MEP1B: variants seen among roughly 807,000 people sequenced by gnomAD.
The protein encoded by MEP1B is N-benzoyl-L-tyrosyl-P-amino-benzoic acid hydrolase subunit beta.
A neutral mutation model predicts 84.6 loss-of-function variants in MEP1B; 80 were observed. The observed-to-expected ratio is 0.95, with a 90% CI of 0.79 to 1.14. The LOEUF is 1.14. MEP1B is among the 50% of genes most tolerant of loss of function. MEP1B has a pLI of 0.00. For synonymous variants in MEP1B, 273 were observed against 288.1 expected (o/e 0.95, Z 0.53); for missense variants, 766 against 855.1 (o/e 0.90, Z 1.30).
chr18:32,204,920 G>T (rs984033689), intron 7 of MEP1B, among the ~76,000 whole-genome samples: 1 of 152,122 alleles, frequency 6.6e-6, no homozygotes, highest in African/African-American at 2.4e-5. Flanking sequence ...GCAGCAATGG[G>T]ATTAATCCAT....
rs569446655 is a variant in MEP1B, at chr18:32,195,150, C to T, written c.172-257C>T. Among the ~76,000 whole-genome samples, 227 of 152,210 alleles carry T rather than the reference C, an allele frequency of 1.5e-3. 2 individuals are homozygous for T. The highest frequency in any genetic ancestry group is 5.0e-3 in the African/African-American group (208 of 41,536). On this transcript the variant is annotated intron_variant, in intron 4 of 14. Transcript: ENST00000269202. ...TATAAATCTACCAATATTTGTAGTT[C>T]AGTTTTCCAACAGTTATTTTTTGCA...
intron 14 of MEP1B, among the ~76,000 whole-genome samples, chr18:32,218,954 C>G (rs372844137): frequency 1.3e-5 from 2 of 152,204 alleles, no homozygotes; most frequent in Non-Finnish European, 1.5e-5. Context: ...GATTCATATT[C>G]CTCTCAAAGA....
At chr18:32,216,044 T>C (rs1440304375) in intron 12 of MEP1B, among the ~76,000 whole-genome samples, 1 of 149,910 alleles carries the variant, frequency 6.7e-6, no homozygotes, top group Non-Finnish European at 1.5e-5. Context: ...CATTAATCTC[T>C]TGTTAGACTA....
intron 7 of MEP1B, among the ~76,000 whole-genome samples, chr18:32,206,430 C>CTTTTTT (rs34535020): frequency 7.5e-6 from 1 of 133,720 alleles, no homozygotes; most frequent in African/African-American, 2.7e-5. Flanking sequence ...TTCAACAACA[C>CTTTTTT]TTTTTTTTTT....
chr18:32,211,296 T>A (rs939396933), intron 10 of MEP1B, among the ~76,000 whole-genome samples: 5 of 151,596 alleles, frequency 3.3e-5, no homozygotes, highest in African/African-American at 1.2e-4. Flanking sequence ...TAAAATAAAA[T>A]AAAAATAAAA....
In MEP1B at chr18:32,196,376, G is replaced by A. The variant is rs190840064; in HGVS notation, c.250+891G>A. Reference sequence around the variant, plus strand: ...ACGGCCAGCTGGGTCAGGCACTTGAGGTACTCAGAGCTCTCCTTGGTCTTC... The same window carrying A: ...ACGGCCAGCTGGGTCAGGCACTTGAAGTACTCAGAGCTCTCCTTGGTCTTC... On this transcript the variant is annotated intron_variant, in intron 5 of 14. Coordinates refer to ENST00000269202, the MANE Select transcript of MEP1B (RefSeq NM_005925.3). The surrounding 1 kb of genome is among the most constrained non-coding windows in gnomAD (Gnocchi z 4.4). 1.4e-5 allele frequency: 10 copies of A among 700,228 alleles called. No homozygotes were observed. The highest frequency in any genetic ancestry group is 1.2e-4 in the Admixed American group (6 of 49,568). 43.4% of individuals were successfully genotyped at this position (700,228 alleles called of 1,614,324 possible). A position where few individuals can be genotyped will look rare whatever the true frequency, so the allele number is the denominator to read the frequency against.
In MEP1B at chr18:32,192,537, C is replaced by CACTT. The variant is rs141108024; in HGVS notation, c.83-107_83-106insTTAC. The CACTT allele has an allele frequency of 9.8e-3, 9,068 of 927,840 alleles. 456 individuals carry two copies. The African/African-American group carries it at 0.12, about 13-fold the overall frequency. 57.5% of individuals were successfully genotyped at this position (927,840 alleles called of 1,614,324 possible). A position where few individuals can be genotyped will look rare whatever the true frequency, so the allele number is the denominator to read the frequency against. Reference sequence around the variant, plus strand: ...GTATGTTGAGTCTGAATCTAGTAGTCACCTGAGGCCAAAAGAAACTTGCTT... The same window carrying CACTT: ...GTATGTTGAGTCTGAATCTAGTAGTCACTTACCTGAGGCCAAAAGAAACTTGCTT... On this transcript the variant is annotated intron_variant, in intron 2 of 14. Transcript: ENST00000269202.
rs143349103 is a variant in MEP1B, at chr18:32,213,417, G to A, written c.1437G>A (p.Leu479=). ...CTAATGCAGGGATATATTTCCACTTGATCTCTGGAGCCAATGATGATCAAT... is the reference window on the plus strand; with the variant it reads ...CTAATGCAGGGATATATTTCCACTTAATCTCTGGAGCCAATGATGATCAAT... ...HVTNAGIYFH[L]ISGANDDQLQ... The change falls in exon 11 of 15, where the codon TTG becomes TTA. Residue 479 remains leucine (L), a synonymous_variant. Coordinates refer to ENST00000269202, the MANE Select transcript of MEP1B (RefSeq NM_005925.3). 3.0e-4 allele frequency: 486 copies of A among 1,613,854 alleles called. No individual in the cohort carries two copies. The Middle Eastern group carries it at 3.8e-3, about 13-fold the overall frequency.
In MEP1B at chr18:32,211,919, C is replaced by T. The variant is rs572348227; in HGVS notation, c.1136-1197C>T. On this transcript the variant is annotated intron_variant, in intron 10 of 14. Transcript: ENST00000269202. ...AATGAGAAACAATCTGAAATACAGG[C>T]GATATTTTTCTTTGTGAACACCTGT... Among the ~76,000 whole-genome samples the T allele has an allele frequency of 4.0e-5, 6 of 151,744 alleles. No homozygotes were observed. The South Asian group carries it at 6.2e-4, about 16-fold the overall frequency.
At chr18:32,214,131 G>A (rs2041059089) in intron 11 of MEP1B, among the ~76,000 whole-genome samples, 1 of 152,166 alleles carries the variant, frequency 6.6e-6, no homozygotes, top group Non-Finnish European at 1.5e-5. Flanking sequence ...TTTTTGACCA[G>A]AAGGAAGGTA....
rs2040975757 is a variant in MEP1B at position 32,207,306 on chromosome 18, T to C, written c.602T>C (p.Val201Ala). ...YSDDISDSLNVPYDYTSVMHY... is the reference protein window; with the variant it reads ...YSDDISDSLNAPYDYTSVMHY... ...GACGATATATCAGATTCCCTGAATGTTCCCTATGATTACACTTCAGTAATG... is the reference window on the plus strand; with the variant it reads ...GACGATATATCAGATTCCCTGAATGCTCCCTATGATTACACTTCAGTAATG... The change falls in exon 8 of 15, where the codon GTT (valine) becomes GCT (alanine). Residue 201 changes from valine (V) to alanine (A), a missense_variant. By Grantham distance (64) the Val-to-Ala change is moderately conservative. Transcript: ENST00000269202. 6.2e-7 allele frequency: 1 copy of C among 1,613,250 alleles called. No homozygotes were observed. Among genetic ancestry groups the C allele is most frequent in the Non-Finnish European group, 8.5e-7 (1 of 1,179,378 alleles).
chr18:32,216,905 A>G (rs964119611), intron 12 of MEP1B, 86 bp from the exon 13 acceptor site: 1 of 1,440,018 alleles, frequency 6.9e-7, no homozygotes, highest in African/African-American at 1.4e-5. Flanking sequence ...AGGAAAAAAG[A>G]AACATTAAAA....
At chr18:32,206,854 C>T (rs1261638887) in intron 7 of MEP1B, among the ~76,000 whole-genome samples, 1 of 152,166 alleles carries the variant, frequency 6.6e-6, no homozygotes, top group Non-Finnish European at 1.5e-5. Flanking sequence ...TCATGATCCG[C>T]CTGCCTCGAC....
In MEP1B at chr18:32,196,372, T is replaced by C; in HGVS notation, c.250+887T>C. 2.9e-6 allele frequency: 2 copies of C among 700,688 alleles called. No homozygotes were observed. The highest frequency in any genetic ancestry group is 4.0e-5 in the Admixed American group (2 of 49,558). 43.4% of individuals were successfully genotyped at this position (700,688 alleles called of 1,614,324 possible). On this transcript the variant is annotated intron_variant, in intron 5 of 14. Coordinates refer to ENST00000269202, the MANE Select transcript of MEP1B (RefSeq NM_005925.3). The surrounding 1 kb of genome is among the most constrained non-coding windows in gnomAD (Gnocchi z 4.4). ...GGCCACGGCCAGCTGGGTCAGGCAC[T>C]TGAGGTACTCAGAGCTCTCCTTGGT...
intron 14 of MEP1B, among the ~76,000 whole-genome samples, chr18:32,218,167 T>C (rs1026650582): frequency 2.0e-5 from 3 of 152,254 alleles, no homozygotes; most frequent in Non-Finnish European, 4.4e-5. Flanking sequence ...GGAGGTTCAT[T>C]ATCCTCCTGG....
rs886443761 is a variant in MEP1B at position 32,196,331 on chromosome 18, G to T, written c.250+846G>T. Reference sequence around the variant, plus strand: ...CTGGAGCCGTTGCGGTAGATCTCATGCATGGCGCGCCGCAGGGCCACGGCC... The same window carrying T: ...CTGGAGCCGTTGCGGTAGATCTCATTCATGGCGCGCCGCAGGGCCACGGCC... On this transcript the variant is annotated intron_variant, in intron 5 of 14. Coordinates refer to ENST00000269202, the MANE Select transcript of MEP1B (RefSeq NM_005925.3). The surrounding 1 kb of genome is among the most constrained non-coding windows in gnomAD (Gnocchi z 4.4). The T allele has an allele frequency of 8.5e-6, 6 of 702,954 alleles. No homozygotes were observed. The African/African-American group carries it at 8.8e-5, about 10-fold the overall frequency. The allele number at this position is 702,954 out of a possible 1,614,324, so 43.5% of individuals were successfully genotyped here. A position where few individuals can be genotyped will look rare whatever the true frequency, so the allele number is the denominator to read the frequency against.
At chr18:32,209,261 C>T (rs150985236) in intron 9 of MEP1B, among the ~76,000 whole-genome samples, 9 of 152,142 alleles carry the variant, frequency 5.9e-5, no homozygotes, top group Non-Finnish European at 1.0e-4. Context: ...CCAAGGTGGG[C>T]GGATTACCTG....
At chr18:32,197,405 G>GTT (rs34303503) in intron 5 of MEP1B, among the ~76,000 whole-genome samples, 734 of 141,708 alleles carry the variant, frequency 5.2e-3, no homozygotes, top group East Asian at 6.6e-3. Flanking sequence ...TTTCATTTTT[G>GTT]TTTTTTTTTT....
intron 2 of MEP1B, among the ~76,000 whole-genome samples, chr18:32,192,427 G>A (rs1461559082): frequency 2.6e-5 from 4 of 151,968 alleles, no homozygotes; most frequent in East Asian, 1.9e-4. Context: ...AAGGAATGTC[G>A]ATAGGACAGA....
Sources: allele counts gnomAD v4.1 joint callset (sites outside exome capture counted in the v4.1 genomes callset), GRCh38; gene constraint gnomAD v4.1.1; non-coding constraint Gnocchi (gnomAD v3.1); transcripts MANE v1.5; gene names NCBI Gene and HGNC (gene_info 2026-07-23, HGNC 2026-07-21).